The following DENND2C variants were observed in gnomAD, a reference collection of about 807,000 sequenced individuals.
DENND2C encodes the protein DENN domain containing 2C.
DENND2C carries 72 observed loss-of-function variants against 112.4 expected under a neutral mutation model. That is an observed-to-expected ratio of 0.64 (90% confidence interval 0.53 to 0.78). The LOEUF is 0.78. DENND2C is among the 30% of genes least tolerant of loss of function. The pLI is 0.00. For synonymous variants in DENND2C, 329 were observed against 381.6 expected, an observed-to-expected ratio of 0.86 and a Z score of 1.61; for missense variants, 992 against 1,113.8, an observed-to-expected ratio of 0.89 and a Z score of 1.56.
At chr1:114,595,710 G>T in intron 17 of DENND2C, 122 bp downstream of exon 17, 1 of 871,844 alleles carries the variant, frequency 1.1e-6, no homozygotes. Flanking sequence ...ATTCAAGTAT[G>T]TGTAGGAACT....
intron 8 of DENND2C, among the ~76,000 whole-genome samples, chr1:114,613,647 GAA>G (rs1211019442): frequency 2.0e-5 from 3 of 151,994 alleles, no homozygotes; most frequent in African/African-American, 7.2e-5. Context: ...TGGAAAGAAA[GAA>G]AAGAGAGAAG....
At chr1:114,601,685 G>A in intron 12 of DENND2C, 100 bp from the exon 13 acceptor site, 1 of 947,306 alleles carries the variant, frequency 1.1e-6, no homozygotes, top group Non-Finnish European at 1.6e-6. Flanking sequence ...CTTTAGTACG[G>A]AGCAGTAACC....
intron 8 of DENND2C, among the ~76,000 whole-genome samples, chr1:114,617,529 C>T (rs1399583791): frequency 3.9e-5 from 6 of 152,004 alleles, no homozygotes; most frequent in Non-Finnish European, 7.4e-5. Context: ...AGGCTGGTCT[C>T]GAACTCCTGA....
At chr1:114,656,040 T>C (rs1657309756) in intron 1 of DENND2C, among the ~76,000 whole-genome samples, 1 of 151,962 alleles carries the variant, frequency 6.6e-6, no homozygotes, top group Non-Finnish European at 1.5e-5. Flanking sequence ...AGGTTTTGGT[T>C]ATTACGAAGA....
At chr1:114,590,506 C>T (rs111231014) in intron 18 of DENND2C, among the ~76,000 whole-genome samples, 9 of 151,906 alleles carry the variant, frequency 5.9e-5, no homozygotes, top group South Asian at 2.1e-4. Flanking sequence ...TGGCCGGGCG[C>T]GGTGGCTCAC....
At chr1:114,594,783 T>C (rs935349115) in intron 17 of DENND2C, among the ~76,000 whole-genome samples, 4 of 152,332 alleles carry the variant, frequency 2.6e-5, no homozygotes, top group African/African-American at 9.6e-5. Context: ...ATATATACTT[T>C]GTAAAATTTT....
chr1:114,654,380 C>G (rs1299551235), intron 2 of DENND2C, 125 bp downstream of exon 2: 1 of 152,158 alleles, frequency 6.6e-6, no homozygotes, highest in Non-Finnish European at 1.5e-5. Flanking sequence ...TGCAGTGAGC[C>G]AAGATCACGC....
At chr1:114,596,948 G>A (rs1655359278) in intron 16 of DENND2C, among the ~76,000 whole-genome samples, 1 of 151,740 alleles carries the variant, frequency 6.6e-6, no homozygotes, top group South Asian at 2.1e-4. Flanking sequence ...AATAATGAAA[G>A]GCCCAAGAGA....
intron 10 of DENND2C, among the ~76,000 whole-genome samples, chr1:114,606,470 A>G (rs555352295): frequency 1.3e-5 from 2 of 152,276 alleles, no homozygotes; most frequent in South Asian, 4.1e-4. Flanking sequence ...CAACAGTCCT[A>G]AAGTGGCCAA....
intron 10 of DENND2C, among the ~76,000 whole-genome samples, chr1:114,608,445 T>C (rs1040176782): frequency 1.3e-5 from 2 of 152,214 alleles, no homozygotes; most frequent in African/African-American, 4.8e-5. Flanking sequence ...TTAAAGATTA[T>C]TAAATGGCAG....
intron 18 of DENND2C, among the ~76,000 whole-genome samples, chr1:114,592,313 A>G (rs1049773106): frequency 4.6e-5 from 7 of 152,212 alleles, no homozygotes; most frequent in Non-Finnish European, 7.3e-5. Context: ...CACCAAAACC[A>G]AACTATCTTA....
intron 3 of DENND2C, among the ~76,000 whole-genome samples, chr1:114,629,898 T>C (rs1327467931): frequency 6.6e-6 from 1 of 152,220 alleles, no homozygotes; most frequent in Non-Finnish European, 1.5e-5. Flanking sequence ...TCTTTTAAAA[T>C]ATTTTATTTG....
intron 3 of DENND2C, among the ~76,000 whole-genome samples, chr1:114,644,151 G>GCCA (rs1275883673): frequency 6.6e-6 from 1 of 151,848 alleles, no homozygotes; most frequent in Non-Finnish European, 1.5e-5. Context: ...ACCAAACCAG[G>GCCA]CCACCATCAC....
At chr1:114,634,536 ATG>A (rs2101675362) in intron 3 of DENND2C, among the ~76,000 whole-genome samples, 2 of 152,250 alleles carry the variant, frequency 1.3e-5, no homozygotes, top group South Asian at 4.1e-4. Flanking sequence ...AATAGACCAT[ATG>A]TTGGGCCATA....
At chr1:114,663,951 CTTTT>C (rs538184910) in intron 1 of DENND2C, among the ~76,000 whole-genome samples, 3 of 131,004 alleles carry the variant, frequency 2.3e-5, no homozygotes, top group African/African-American at 2.8e-5. Context: ...TACTGCTATT[CTTTT>C]TTTTTTTTTT....
In DENND2C at chr1:114,618,982, T is replaced by C. The variant is rs570859384; in HGVS notation, c.1228-500A>G. Among the ~76,000 whole-genome samples the C allele has an allele frequency of 2.0e-5, 3 of 152,378 alleles. 1 individual carries two copies. The South Asian group carries it at 6.2e-4, about 32-fold the overall frequency. On this transcript the variant is annotated intron_variant, in intron 7 of 20. Transcript: ENST00000393274. ...CTAAGAGTACTAACATTATAATTTA[T>C]TTTAGAAATATGTCATAAAATTAGG...
intron 13 of DENND2C, among the ~76,000 whole-genome samples, chr1:114,601,272 C>T (rs980925949): frequency 4.6e-5 from 7 of 152,146 alleles, no homozygotes; most frequent in East Asian, 3.9e-4. Flanking sequence ...AAGAAAGACA[C>T]GAGACAAGAT....
At chr1:114,616,618 G>C (rs1027089549) in intron 8 of DENND2C, among the ~76,000 whole-genome samples, 3 of 151,736 alleles carry the variant, frequency 2.0e-5, no homozygotes, top group African/African-American at 7.3e-5. Context: ...ACTTTGAGAG[G>C]CTGAGCTGGT....
At chr1:114,591,497 T>C (rs1026244939) in intron 18 of DENND2C, among the ~76,000 whole-genome samples, 4 of 152,188 alleles carry the variant, frequency 2.6e-5, no homozygotes, top group African/African-American at 9.6e-5. Flanking sequence ...TTTAAAAAAA[T>C]AAATTCTAGA....
Sources: allele counts gnomAD v4.1 joint callset (sites outside exome capture counted in the v4.1 genomes callset), GRCh38; gene constraint gnomAD v4.1.1; transcripts MANE v1.5; gene names NCBI Gene and HGNC (gene_info 2026-07-23, HGNC 2026-07-21).